ROBO1: variants seen among roughly 807,000 people sequenced by gnomAD.
ROBO1 encodes the protein roundabout guidance receptor 1, also known as roundabout homolog 1.
Under a neutral mutation model 195.9 loss-of-function variants are expected in ROBO1, and 149 were observed. The ratio of observed to expected loss-of-function variants is 0.76; its 90% confidence interval spans 0.67 to 0.87. The LOEUF is 0.87. Among genes scored for constraint, ROBO1 ranks in the 40% least tolerant of loss-of-function variants. ROBO1 has a pLI of 0.00. For missense variants in ROBO1, 1,933 were observed against 2,068.3 expected, an observed-to-expected ratio of 0.93 and a Z score of 1.27; for synonymous variants, 816 against 733.2, an observed-to-expected ratio of 1.11 and a Z score of -1.82.
intron 2 of ROBO1, among the ~76,000 whole-genome samples, chr3:79,164,062 G>A (rs531742732): frequency 1.3e-5 from 2 of 152,230 alleles, no homozygotes; most frequent in South Asian, 4.1e-4. Context: ...AGATCACAGT[G>A]AAATCCTCCA....
intron 3 of ROBO1, among the ~76,000 whole-genome samples, chr3:79,035,794 A>T (rs1354835209): frequency 6.6e-6 from 1 of 152,162 alleles, no homozygotes; most frequent in East Asian, 1.9e-4. Context: ...AAAATTCCCC[A>T]ATTTCCAAAA....
At chr3:78,868,407 A>G (rs1329156433) in intron 4 of ROBO1, among the ~76,000 whole-genome samples, 1 of 152,150 alleles carries the variant, frequency 6.6e-6, no homozygotes, top group Non-Finnish European at 1.5e-5. Flanking sequence ...AAAAAAGTTG[A>G]CATTACCCAA....
At chr3:78,989,983 C>G (rs1434380395) in intron 3 of ROBO1, among the ~76,000 whole-genome samples, 1 of 151,906 alleles carries the variant, frequency 6.6e-6, no homozygotes, top group Non-Finnish European at 1.5e-5. Context: ...CGTATAAAAA[C>G]AAAATATTTG....
At chr3:79,024,113 G>A (rs2078157927) in intron 3 of ROBO1, among the ~76,000 whole-genome samples, 1 of 152,090 alleles carries the variant, frequency 6.6e-6, no homozygotes. Flanking sequence ...GCTCTGTAAG[G>A]CTTATTAAGA....
intron 1 of ROBO1, among the ~76,000 whole-genome samples, chr3:79,641,794 G>A (rs1185349350): frequency 1.3e-5 from 2 of 152,024 alleles, no homozygotes; most frequent in African/African-American, 4.8e-5. Context: ...AGTGTGGGTG[G>A]GTCACTTGAG....
chr3:78,649,409 G>A (rs1706507323), intron 19 of ROBO1, among the ~76,000 whole-genome samples: 1 of 152,064 alleles, frequency 6.6e-6, no homozygotes. Flanking sequence ...TGATGCGGGT[G>A]CAATATGTGA....
intron 1 of ROBO1, among the ~76,000 whole-genome samples, chr3:79,659,372 G>T (rs1339476391): frequency 6.6e-6 from 1 of 151,890 alleles, no homozygotes. Flanking sequence ...GATATAAATC[G>T]ATTCTTAGGA....
intron 3 of ROBO1, among the ~76,000 whole-genome samples, chr3:79,084,260 A>C (rs2079326843): frequency 1.3e-5 from 2 of 152,162 alleles, no homozygotes; most frequent in Non-Finnish European, 2.9e-5. Flanking sequence ...GCACTTCGGG[A>C]GGCTGAGGTG....
At chr3:78,726,967 A>G (rs1328614875) in intron 5 of ROBO1, among the ~76,000 whole-genome samples, 1 of 152,220 alleles carries the variant, frequency 6.6e-6, no homozygotes, top group Non-Finnish European at 1.5e-5. Flanking sequence ...AGGAGGAGGT[A>G]AAGTAATACC....
At position 78,693,168 on chromosome 3, in the gene ROBO1, A is replaced by T. The variant is rs189780451; in HGVS notation, c.1046-4396T>A. 3.6e-4 allele frequency: 257 copies of T among 705,608 alleles called. 2 individuals carry two copies. The African/African-American group carries it at 4.1e-3, about 11-fold the overall frequency. The allele number at this position is 705,608 out of a possible 1,614,324, so 43.7% of individuals were successfully genotyped here. A position where few individuals can be genotyped will look rare whatever the true frequency, so the allele number is the denominator to read the frequency against. On this transcript the variant is annotated intron_variant, in intron 8 of 30. Transcript: ENST00000464233. ...CAACCCCGTTACCTTTACTCTTTTCACAGTTACCCATACTTCCTGCAGACT... is the reference window on the plus strand; with the variant it reads ...CAACCCCGTTACCTTTACTCTTTTCTCAGTTACCCATACTTCCTGCAGACT...
At chr3:79,568,098 C>T (rs1006068575) in intron 2 of ROBO1, among the ~76,000 whole-genome samples, 11 of 152,078 alleles carry the variant, frequency 7.2e-5, no homozygotes, top group Admixed American at 2.0e-4. Context: ...TCTTTATAGA[C>T]GCACTTTGGA....
chr3:79,151,119 T>C (rs959793360), intron 2 of ROBO1, among the ~76,000 whole-genome samples: 2 of 151,850 alleles, frequency 1.3e-5, no homozygotes, highest in East Asian at 1.9e-4. Context: ...ACTGCCGCCA[T>C]GTAAGACATG....
At chr3:78,748,823 G>A (rs894243995) in intron 4 of ROBO1, among the ~76,000 whole-genome samples, 10 of 152,100 alleles carry the variant, frequency 6.6e-5, no homozygotes, top group African/African-American at 2.2e-4. Flanking sequence ...GCTTCAAAGA[G>A]AAGACCTTCT....
chr3:79,174,266 G>A (rs1214577243), intron 2 of ROBO1, among the ~76,000 whole-genome samples: 1 of 151,986 alleles, frequency 6.6e-6, no homozygotes, highest in African/African-American at 2.4e-5. Context: ...CCTGAAGCCA[G>A]CGAGCCCACG....
chr3:79,222,994 A>C (rs2082167847), intron 2 of ROBO1, among the ~76,000 whole-genome samples: 2 of 152,160 alleles, frequency 1.3e-5, no homozygotes, highest in African/African-American at 2.4e-5. Flanking sequence ...TTAGTAACCA[A>C]ATGATTCAGA....
intron 4 of ROBO1, among the ~76,000 whole-genome samples, chr3:78,767,557 T>A (rs1156698944): frequency 6.6e-6 from 1 of 152,170 alleles, no homozygotes; most frequent in Non-Finnish European, 1.5e-5. Context: ...TGAGCCACTG[T>A]GCCCAGCCTG....
chr3:79,178,262 C>T (rs1046725964), intron 2 of ROBO1, among the ~76,000 whole-genome samples: 3 of 152,014 alleles, frequency 2.0e-5, no homozygotes, highest in Admixed American at 1.3e-4. Context: ...GAGAGTAATC[C>T]ATTTTAGAGA....
chr3:78,912,641 G>A (rs2038315474), intron 4 of ROBO1, among the ~76,000 whole-genome samples: 1 of 152,036 alleles, frequency 6.6e-6, no homozygotes, highest in African/African-American at 2.4e-5. Flanking sequence ...TATAGTATTT[G>A]TGATAATATC....
chr3:79,364,510 C>A (rs929670710), intron 2 of ROBO1, among the ~76,000 whole-genome samples: 3 of 151,804 alleles, frequency 2.0e-5, no homozygotes, highest in Non-Finnish European at 4.4e-5. Context: ...TAGGTTTTTT[C>A]TCCTTTCCTC....
Sources: gnomAD v4.1 joint callset for allele counts (sites outside exome capture counted in the v4.1 genomes callset) on GRCh38, gnomAD v4.1.1 for gene constraint, MANE v1.5 for transcripts, NCBI Gene and HGNC (gene_info 2026-07-23, HGNC 2026-07-21) for gene names.